Variants in STAC2 observed in about 807,000 individuals in gnomAD.
The protein encoded by STAC2 is SH3 and cysteine-rich domain-containing protein 2.
Under a neutral mutation model 49.0 loss-of-function variants are expected in STAC2, and 36 were observed. That is an observed-to-expected ratio of 0.74 (90% CI 0.56 to 0.97). STAC2 has a LOEUF of 0.97. STAC2 is among the 50% of genes least tolerant of loss of function. The pLI, the probability that STAC2 is intolerant of heterozygous loss-of-function variation, is 0.00. For synonymous variants in STAC2, 239 were observed against 214.7 expected (o/e 1.11, Z -0.99); for missense variants, 527 against 543.8 (o/e 0.97, Z 0.31).
intron 1 of STAC2, among the ~76,000 whole-genome samples, chr17:39,220,556 C>A (rs1263814532): frequency 1.3e-5 from 2 of 151,302 alleles, no homozygotes; most frequent in Non-Finnish European, 2.9e-5. Context: ...CTCACTGCAA[C>A]CTCCACCTCC....
At chr17:39,224,459 C>T (rs1178215683) in intron 1 of STAC2, among the ~76,000 whole-genome samples, 3 of 152,184 alleles carry the variant, frequency 2.0e-5, no homozygotes, top group Admixed American at 2.0e-4. Flanking sequence ...CAGTCGCCAG[C>T]ACCTAGAACT....
intron 1 of STAC2, 90 bp from the exon 2 acceptor site, chr17:39,218,263 GGCAGCA>G (rs553618301): frequency 5.3e-5 from 71 of 1,350,188 alleles, no homozygotes; most frequent in Middle Eastern, 1.9e-4. Flanking sequence ...CGGTAGGGGC[GGCAGCA>G]GCAGCAGCAG....
Position 39,212,256 on chromosome 17 carries a change from T to G in STAC2, c.*36A>C. 6.6e-7 allele frequency: 1 copy of G among 1,518,692 alleles called. No homozygotes were observed. The highest frequency in any genetic ancestry group is 2.3e-5 in the East Asian group (1 of 43,192). 94.1% of individuals were successfully genotyped at this position (1,518,692 alleles called of 1,614,324 possible). A position where few individuals can be genotyped will look rare whatever the true frequency, so the allele number is the denominator to read the frequency against. On this transcript the variant is annotated 3_prime_UTR_variant, in exon 11 of 11. Transcript: ENST00000333461. Reference sequence around the variant, plus strand: ...CCTGGCCAGAAGCAAGGTCCAGGCATGGGCAAGGGTGTCATCTGGGTTCCC... The same window carrying G: ...CCTGGCCAGAAGCAAGGTCCAGGCAGGGGCAAGGGTGTCATCTGGGTTCCC...
chr17:39,212,105 A>C lies in STAC2; in HGVS notation c.*187T>G. 1 of 186,146 alleles carries C rather than the reference A, an allele frequency of 5.4e-6. No individual in the cohort carries two copies. The highest frequency in any genetic ancestry group is 1.0e-5 in the Non-Finnish European group (1 of 99,218). 11.5% of individuals were successfully genotyped at this position (186,146 alleles called of 1,614,324 possible). A position where few individuals can be genotyped will look rare whatever the true frequency, so the allele number is the denominator to read the frequency against. ...CAAGTCCCAGAGGATCAACCCACTC[A>C]GGGCACCCCACCCAAGAAATAAAAT... is the stretch of plus-strand genomic sequence containing the variant. On this transcript the variant is annotated 3_prime_UTR_variant, in exon 11 of 11. Coordinates refer to ENST00000333461, the MANE Select transcript of STAC2 (RefSeq NM_198993.5).
chr17:39,222,663 G>T (rs2046473850), intron 1 of STAC2, among the ~76,000 whole-genome samples: 1 of 152,096 alleles, frequency 6.6e-6, no homozygotes, highest in African/African-American at 2.4e-5. Context: ...CTGGCATGGG[G>T]AGAAGCTGCC....
At chr17:39,218,899 G>A (rs554824980) in intron 1 of STAC2, among the ~76,000 whole-genome samples, 2 of 152,170 alleles carry the variant, frequency 1.3e-5, no homozygotes, top group East Asian at 1.9e-4. Flanking sequence ...ACAGGCTGGT[G>A]GGGGGTGAGG....
chr17:39,215,128 G>T lies in STAC2; in HGVS notation c.689C>A (p.Thr230Lys). 6.2e-7 allele frequency: 1 copy of T among 1,613,844 alleles called. No individual in the cohort carries two copies. The highest frequency in any genetic ancestry group is 8.5e-7 in the Non-Finnish European group (1 of 1,179,958). ...SSFSSTSESP[T>K]RSLSERDELT... is the part of the protein sequence containing the mutation. ...TTTTGCCCACCATACCAGGCTCCTT[G>T]TCGGGGACTCAGAGGTGCTGCTGAA... is the stretch of plus-strand genomic sequence containing the variant. The change falls in exon 5 of 11, where the codon ACA (threonine) becomes AAA (lysine). Residue 230 changes from threonine to lysine, a missense_variant. Transcript: ENST00000333461.
Position 39,225,607 on chromosome 17 carries a change from A to G in STAC2, c.-105T>C. On this transcript the variant is annotated 5_prime_UTR_variant, in exon 1 of 11. Coordinates refer to ENST00000333461, the MANE Select transcript of STAC2 (RefSeq NM_198993.5). The surrounding 1 kb of genome is among the most constrained non-coding windows in gnomAD (Gnocchi z 8.2). ...CCGGGACTCTGAAGCCGTTCTCCAG[A>G]GGCTGCCCCCAGTTAGCCCCCGGCA... The G allele has an allele frequency of 9.0e-7, 1 of 1,115,060 alleles. No individual in the cohort carries two copies. Among genetic ancestry groups the G allele is most frequent in the Non-Finnish European group, 1.3e-6 (1 of 760,646 alleles). The allele number at this position is 1,115,060 out of a possible 1,614,324, so 69.1% of individuals were successfully genotyped here. A position where few individuals can be genotyped will look rare whatever the true frequency, so the allele number is the denominator to read the frequency against.
In STAC2 at chr17:39,225,531, C is replaced by T; in HGVS notation, c.-29G>A. ...TCGGGGAGAGGGGAGGAGAGGGTGCCGAGATCCGACGGCAGGCCCACCGCG... is the reference window on the plus strand; with the variant it reads ...TCGGGGAGAGGGGAGGAGAGGGTGCTGAGATCCGACGGCAGGCCCACCGCG... On this transcript the variant is annotated 5_prime_UTR_variant, in exon 1 of 11. Coordinates refer to ENST00000333461, the MANE Select transcript of STAC2 (RefSeq NM_198993.5). The surrounding 1 kb of genome is among the most constrained non-coding windows in gnomAD (Gnocchi z 8.2). 6.2e-7 allele frequency: 1 copy of T among 1,601,312 alleles called. No homozygotes were observed. Among genetic ancestry groups the T allele is most frequent in the Admixed American group, 1.7e-5 (1 of 59,854 alleles).
chr17:39,221,673 T>C (rs2046464029), intron 1 of STAC2, among the ~76,000 whole-genome samples: 1 of 152,218 alleles, frequency 6.6e-6, no homozygotes, highest in South Asian at 2.1e-4. Flanking sequence ...CTTCGGCTGC[T>C]GAGCCCAAAG....
At chr17:39,217,773 G>T in intron 2 of STAC2, 94 bp downstream of exon 2, 2 of 1,287,466 alleles carry the variant, frequency 1.6e-6, no homozygotes, top group Non-Finnish European at 2.1e-6. Flanking sequence ...CTCCTGAACA[G>T]CAAGAGCCCA....
In STAC2 at chr17:39,212,232, C is replaced by A; in HGVS notation, c.*60G>T. 7.5e-7 allele frequency: 1 copy of A among 1,328,864 alleles called. No homozygotes were observed. Among genetic ancestry groups the A allele is most frequent in the Non-Finnish European group, 1.1e-6 (1 of 943,384 alleles). The allele number at this position is 1,328,864 out of a possible 1,614,324, so 82.3% of individuals were successfully genotyped here. A position where few individuals can be genotyped will look rare whatever the true frequency, so the allele number is the denominator to read the frequency against. On this transcript the variant is annotated 3_prime_UTR_variant, in exon 11 of 11. Coordinates refer to ENST00000333461, the MANE Select transcript of STAC2 (RefSeq NM_198993.5). ...TGGACAAGGGGGCCTGATCCCCTCCCTGGCCAGAAGCAAGGTCCAGGCATG... is the reference window on the plus strand; with the variant it reads ...TGGACAAGGGGGCCTGATCCCCTCCATGGCCAGAAGCAAGGTCCAGGCATG...
In STAC2 at chr17:39,220,761, T is replaced by C. The variant is rs140949547; in HGVS notation, c.91-2588A>G. On this transcript the variant is annotated intron_variant, in intron 1 of 10. Coordinates refer to ENST00000333461, the MANE Select transcript of STAC2 (RefSeq NM_198993.5). ...TGTTGGGATTACAGGCGTGAGCCACTGCACCCGGCCTATCATTTTTATTTT... is the reference window on the plus strand; with the variant it reads ...TGTTGGGATTACAGGCGTGAGCCACCGCACCCGGCCTATCATTTTTATTTT... Among the ~76,000 whole-genome samples the C allele has an allele frequency of 3.3e-3, 466 of 143,232 alleles. 6 individuals carry two copies. Among genetic ancestry groups the C allele is most frequent in the East Asian group, 0.022 (100 of 4,602 alleles). The allele number at this position is 143,232 out of a possible 152,430, so 94.0% of individuals were successfully genotyped here.
chr17:39,213,113 A>T lies in STAC2; in HGVS notation c.1013T>A (p.Val338Asp), dbSNP rs757873986. Residue 338 changes from valine (V) to aspartate (D), a missense_variant, in exon 10 of 11, where the codon GTT becomes GAT. Physicochemically the swap from Val to Asp is radical, Grantham distance 152 (BLOSUM62 -3). Coordinates refer to ENST00000333461, the MANE Select transcript of STAC2 (RefSeq NM_198993.5). ...DWWKGKIGDRVGFFPANFVQR... is the reference protein window; with the variant it reads ...DWWKGKIGDRDGFFPANFVQR... ...CACAAAATTAGCTGGGAAGAAGCCAACCCGGTCGCCGATCTTGCCCTGGGG... is the reference window on the plus strand; with the variant it reads ...CACAAAATTAGCTGGGAAGAAGCCATCCCGGTCGCCGATCTTGCCCTGGGG... The T allele has an allele frequency of 6.2e-7, 1 of 1,609,730 alleles. No individual in the cohort carries two copies. Among genetic ancestry groups the T allele is most frequent in the African/African-American group, 1.3e-5 (1 of 74,904 alleles).
At chr17:39,213,362 G>T (rs959354506) in intron 9 of STAC2, 145 bp downstream of exon 9, 13 of 1,194,314 alleles carry the variant, frequency 1.1e-5, no homozygotes, top group Non-Finnish European at 1.5e-5. Flanking sequence ...TGTCCCAAGG[G>T]TTGGTCCTAG....
intron 1 of STAC2, among the ~76,000 whole-genome samples, chr17:39,222,109 C>T (rs2046468837): frequency 6.6e-6 from 1 of 152,212 alleles, no homozygotes; most frequent in Non-Finnish European, 1.5e-5. Flanking sequence ...GGGCTACTCC[C>T]TCTCATACAC....
At chr17:39,221,541 C>T (rs1265978209) in intron 1 of STAC2, among the ~76,000 whole-genome samples, 1 of 152,166 alleles carries the variant, frequency 6.6e-6, no homozygotes, top group South Asian at 2.1e-4. Flanking sequence ...TGATGCTGCC[C>T]TTGGAAGTAG....
intron 2 of STAC2, 91 bp from the exon 3 acceptor site, chr17:39,217,264 G>T: frequency 7.6e-7 from 1 of 1,309,768 alleles, no homozygotes; most frequent in Non-Finnish European, 1.1e-6. Flanking sequence ...AGCAGGGGTT[G>T]GGCATTCTCA....
Position 39,214,866 on chromosome 17 carries a change from G to A in STAC2, c.773-5C>T, listed in dbSNP as rs752620230. 6.2e-7 allele frequency: 1 copy of A among 1,614,000 alleles called. No individual in the cohort carries two copies. The highest frequency in any genetic ancestry group is 1.1e-5 in the South Asian group (1 of 91,080). On this transcript the variant is annotated splice_region_variant and splice_polypyrimidine_tract_variant and intron_variant, in intron 6 of 10. Transcript: ENST00000333461. ...GGGCTGTGAATACTGGAGATGCTAG[G>A]GGCAGGAGAGGGAAAGGGTGAGAGG...
Sources: allele counts gnomAD v4.1 joint callset (sites outside exome capture counted in the v4.1 genomes callset), GRCh38; gene constraint gnomAD v4.1.1; non-coding constraint Gnocchi (gnomAD v3.1); transcripts MANE v1.5; gene names NCBI Gene and HGNC (gene_info 2026-07-23, HGNC 2026-07-21).